HMGCLL1: variants seen among roughly 807,000 people sequenced by gnomAD.
HMGCLL1 encodes 3-hydroxy-3-methylglutaryl-CoA lyase like 1.
A neutral mutation model predicts 39.1 loss-of-function variants in HMGCLL1; 36 were observed. The ratio of observed to expected loss-of-function variants is 0.92; its 90% CI spans 0.71 to 1.22. HMGCLL1 has a LOEUF of 1.22. Among genes scored for constraint, HMGCLL1 ranks in the 50% most tolerant of loss-of-function variants. HMGCLL1 has a pLI of 0.00. For synonymous variants in HMGCLL1, 149 were observed against 144.0 expected, an observed-to-expected ratio of 1.03 and a Z score of -0.25; for missense variants, 451 against 416.5, an observed-to-expected ratio of 1.08 and a Z score of -0.72.
chr6:55,461,710 G>A (rs1322553992), intron 7 of HMGCLL1, among the ~76,000 whole-genome samples: 1 of 151,996 alleles, frequency 6.6e-6, no homozygotes, highest in Non-Finnish European at 1.5e-5. Context: ...CAAGATATAA[G>A]CAAAGTAATA....
chr6:55,582,248 G>T (rs994770049), upstream of HMGCLL1, among the ~76,000 whole-genome samples: 22 of 152,136 alleles, frequency 1.4e-4, no homozygotes, highest in Admixed American at 1.2e-3. Context: ...CTTACTTGTT[G>T]CCAAAATTAA....
the HMGCLL1 span, among the ~76,000 whole-genome samples, chr6:55,643,770 G>A: frequency 2.0e-5 from 3 of 151,932 alleles, no homozygotes; most frequent in Non-Finnish European, 2.9e-5. Flanking sequence ...CCATCAACAT[G>A]GTTGCAAATG....
chr6:55,591,661 GT>G, the HMGCLL1 span, among the ~76,000 whole-genome samples: 1 of 145,882 alleles, frequency 6.9e-6, no homozygotes, highest in East Asian at 2.0e-4. Flanking sequence ...AACTAATGAA[GT>G]TTTACTCTAC....
intron 1 of HMGCLL1, among the ~76,000 whole-genome samples, chr6:55,559,689 G>A (rs551040508): frequency 1.8e-4 from 28 of 152,248 alleles, no homozygotes; most frequent in African/African-American, 6.3e-4. Flanking sequence ...TAGACATACT[G>A]CCTAATTAAA....
intron 1 of HMGCLL1, among the ~76,000 whole-genome samples, chr6:55,549,373 A>AGAGT (rs144469471): frequency 6.9e-6 from 1 of 145,416 alleles, no homozygotes; most frequent in East Asian, 2.0e-4. Flanking sequence ...CAAATACAGA[A>AGAGT]GTGTGTGTGT....
At chr6:55,598,479 A>G in the HMGCLL1 span, among the ~76,000 whole-genome samples, 1 of 152,164 alleles carries the variant, frequency 6.6e-6, no homozygotes, top group African/African-American at 2.4e-5. Context: ...AAACTCAACC[A>G]GTCAATAGCA....
the HMGCLL1 span, among the ~76,000 whole-genome samples, chr6:55,608,431 G>A: frequency 2.6e-5 from 4 of 151,954 alleles, no homozygotes; most frequent in South Asian, 2.1e-4. Context: ...TATGTTTCTC[G>A]GTTAGAGAAT....
chr6:55,489,246 A>G (rs1247813704), intron 7 of HMGCLL1, among the ~76,000 whole-genome samples: 1 of 152,124 alleles, frequency 6.6e-6, no homozygotes, highest in African/African-American at 2.4e-5. Flanking sequence ...TGGCGCAACA[A>G]GAAAATTTCC....
intron 7 of HMGCLL1, among the ~76,000 whole-genome samples, chr6:55,450,340 A>G (rs1256900643): frequency 6.6e-6 from 1 of 152,232 alleles, no homozygotes; most frequent in Non-Finnish European, 1.5e-5. Flanking sequence ...AAGAGCATAC[A>G]GCCTACTGCT....
chr6:55,435,978 TCTG>T (rs1581776995), intron 8 of HMGCLL1, among the ~76,000 whole-genome samples: 2 of 152,174 alleles, frequency 1.3e-5, no homozygotes, highest in East Asian at 3.9e-4. Flanking sequence ...ATATCTTTAA[TCTG>T]ACCCTTGTAT....
chr6:55,667,760 G>A, the HMGCLL1 span, among the ~76,000 whole-genome samples: 3 of 151,792 alleles, frequency 2.0e-5, no homozygotes, highest in Non-Finnish European at 2.9e-5. Flanking sequence ...ATCAAAACAC[G>A]TAAAATACCT....
At chr6:55,626,787 C>T in the HMGCLL1 span, among the ~76,000 whole-genome samples, 2 of 151,988 alleles carry the variant, frequency 1.3e-5, no homozygotes, top group African/African-American at 2.4e-5. Context: ...ACTTTGGGCT[C>T]CTCCTACCTT....
intron 3 of HMGCLL1, among the ~76,000 whole-genome samples, chr6:55,520,203 A>G (rs1767965820): frequency 6.6e-6 from 1 of 151,276 alleles, no homozygotes; most frequent in Non-Finnish European, 1.5e-5. Context: ...CCTGTGTAAC[A>G]AACTGCATAT....
At chr6:55,476,552 A>T (rs1026002519) in intron 7 of HMGCLL1, among the ~76,000 whole-genome samples, 4 of 151,656 alleles carry the variant, frequency 2.6e-5, no homozygotes, top group Non-Finnish European at 5.9e-5. Context: ...CATTTTGTTC[A>T]TTTCCTTTCC....
At chr6:55,654,810 C>G in the HMGCLL1 span, among the ~76,000 whole-genome samples, 1 of 151,842 alleles carries the variant, frequency 6.6e-6, no homozygotes, top group Admixed American at 6.6e-5. Flanking sequence ...TCTGTCAACC[C>G]TTTCCAGGAT....
chr6:55,570,498 G>A (rs1346406330), intron 1 of HMGCLL1, among the ~76,000 whole-genome samples: 1 of 152,134 alleles, frequency 6.6e-6, no homozygotes, highest in Non-Finnish European at 1.5e-5. Context: ...CCCTGCTTTT[G>A]GAATCTATGT....
At chr6:55,453,373 G>T (rs1764186050) in intron 7 of HMGCLL1, among the ~76,000 whole-genome samples, 1 of 152,140 alleles carries the variant, frequency 6.6e-6, no homozygotes, top group Non-Finnish European at 1.5e-5. Context: ...TAGAGACGGG[G>T]TTTCACCGCG....
intron 7 of HMGCLL1, among the ~76,000 whole-genome samples, chr6:55,492,246 A>C (rs1244367420): frequency 6.6e-6 from 1 of 152,208 alleles, no homozygotes; most frequent in African/African-American, 2.4e-5. Flanking sequence ...TCCTGAAGCA[A>C]AGGTTGGCCC....
chr6:55,562,454 G>A lies in HMGCLL1; in HGVS notation c.108+16494C>T, dbSNP rs9357868. 1.3e-4 allele frequency among the ~76,000 whole-genome samples: 20 copies of A among 151,960 alleles called. No individual in the cohort carries two copies. The East Asian group carries it at 3.1e-3, about 24-fold the overall frequency. On this transcript the variant is annotated intron_variant, in intron 1 of 8. Coordinates refer to ENST00000274901, the MANE Select transcript of HMGCLL1 (RefSeq NM_001042406.2). The stretch of plus-strand genomic sequence containing the variant: ...CATTATTTTTAACGCTGAGTACTTC[G>A]AAAAAAATGAGAGATGATTGTTTGG...
Sources: gnomAD v4.1 joint callset for allele counts (sites outside exome capture counted in the v4.1 genomes callset) on GRCh38, gnomAD v4.1.1 for gene constraint, MANE v1.5 for transcripts, NCBI Gene and HGNC (gene_info 2026-07-23, HGNC 2026-07-21) for gene names.